The following CLNK variants were observed in gnomAD, a reference collection of about 807,000 sequenced individuals.
CLNK encodes cytokine dependent hematopoietic cell linker, also known as cytokine-dependent hematopoietic cell linker.
Under a neutral mutation model 68.6 loss-of-function variants are expected in CLNK, and 74 were observed. The ratio of observed to expected loss-of-function variants is 1.08; its 90% CI spans 0.89 to 1.31. The LOEUF (loss-of-function observed/expected upper bound fraction) is 1.31. Among genes scored for constraint, CLNK ranks in the 50% most tolerant of loss-of-function variants. CLNK has a pLI of 0.00. For synonymous variants in CLNK, 198 were observed against 172.2 expected, an observed-to-expected ratio of 1.15 and a Z score of -1.17; for missense variants, 553 against 515.3, an observed-to-expected ratio of 1.07 and a Z score of -0.71.
chr4:10,490,242 G>A lies in CLNK; in HGVS notation c.*225C>T. The stretch of plus-strand genomic sequence containing the variant: ...TTTTTATTTTTATTTATTTTCCAGT[G>A]GCCAGTTACTAGAATGTTTTTATTT... On this transcript the variant is annotated 3_prime_UTR_variant, in exon 19 of 19. Transcript: ENST00000226951. 2.5e-6 allele frequency: 1 copy of A among 406,066 alleles called. No individual in the cohort carries two copies. 25.2% of individuals were successfully genotyped at this position (406,066 alleles called of 1,614,324 possible). A position where few individuals can be genotyped will look rare whatever the true frequency, so the allele number is the denominator to read the frequency against.
intron 18 of CLNK, among the ~76,000 whole-genome samples, chr4:10,500,373 G>A (rs747279906): frequency 3.9e-5 from 6 of 152,112 alleles, no homozygotes; most frequent in Non-Finnish European, 8.8e-5. Flanking sequence ...CCAAAGAGTT[G>A]TTGAGGATCA....
the CLNK span, among the ~76,000 whole-genome samples, chr4:10,715,147 C>T: frequency 2.4e-4 from 37 of 152,126 alleles, no homozygotes; most frequent in Non-Finnish European, 4.4e-4. Flanking sequence ...CTTTCAGGTC[C>T]GTGCTATTTA....
At chr4:10,701,665 G>T in the CLNK span, among the ~76,000 whole-genome samples, 5 of 152,154 alleles carry the variant, frequency 3.3e-5, no homozygotes, top group African/African-American at 2.4e-5. Context: ...CATAGAAAAG[G>T]CTTCACATTT....
At chr4:10,520,353 T>C (rs1718007466) in intron 15 of CLNK, among the ~76,000 whole-genome samples, 1 of 152,144 alleles carries the variant, frequency 6.6e-6, no homozygotes, top group Non-Finnish European at 1.5e-5. Flanking sequence ...ACCCAATGGA[T>C]TGGGAAAAAT....
At chr4:10,537,850 A>T (rs756125015) in intron 11 of CLNK, among the ~76,000 whole-genome samples, 2 of 147,822 alleles carry the variant, frequency 1.4e-5, no homozygotes, top group African/African-American at 5.0e-5. Flanking sequence ...ATATTATCCT[A>T]GGCACTTTAC....
chr4:10,687,597 T>C (rs1470185720), upstream of CLNK, among the ~76,000 whole-genome samples: 1 of 152,054 alleles, frequency 6.6e-6, no homozygotes, highest in East Asian at 1.9e-4. Flanking sequence ...AAAGATATTG[T>C]CAATCTGGAT....
At chr4:10,616,902 G>A (rs1169790667) in intron 2 of CLNK, among the ~76,000 whole-genome samples, 3 of 150,758 alleles carry the variant, frequency 2.0e-5, no homozygotes, top group Admixed American at 6.6e-5. Flanking sequence ...CCACCTTAAA[G>A]CATTGCCATT....
At chr4:10,635,735 A>G (rs1053878090) in intron 2 of CLNK, 1 of 152,184 alleles carries the variant, frequency 6.6e-6, no homozygotes, top group Non-Finnish European at 1.5e-5. Flanking sequence ...TTATTATTCC[A>G]TCTCAAAGAT....
intron 2 of CLNK, among the ~76,000 whole-genome samples, chr4:10,603,343 A>G (rs1299979704): frequency 6.6e-6 from 1 of 152,224 alleles, no homozygotes; most frequent in Non-Finnish European, 1.5e-5. Context: ...ACTGCAAGAA[A>G]TTTATATAAG....
intron 2 of CLNK, among the ~76,000 whole-genome samples, chr4:10,642,717 G>C (rs879894349): frequency 1.3e-5 from 2 of 152,182 alleles, no homozygotes; most frequent in South Asian, 4.1e-4. Context: ...TAACTCACTG[G>C]GTGCACTGTC....
At position 10,652,529 on chromosome 4, in the gene CLNK, C is replaced by T. The variant is rs188873650; in HGVS notation, c.11+15330G>A. On this transcript the variant is annotated intron_variant, in intron 2 of 18. Transcript: ENST00000226951. The stretch of plus-strand genomic sequence containing the variant: ...ATATAAAAGATGGAGCATTAAAATA[C>T]TAAAAGAAGCTTGCTTGGTTATTAT... Among the ~76,000 whole-genome samples the T allele has an allele frequency of 3.7e-4, 56 of 151,094 alleles. 1 individual carries two copies. The East Asian group carries it at 4.5e-3, about 12-fold the overall frequency.
chr4:10,645,707 G>C (rs771283932), intron 2 of CLNK, among the ~76,000 whole-genome samples: 33 of 152,130 alleles, frequency 2.2e-4, no homozygotes, highest in Middle Eastern at 3.2e-3. Flanking sequence ...CCTTTGAAGA[G>C]AAGTTGGTTA....
chr4:10,720,881 A>G, the CLNK span, among the ~76,000 whole-genome samples: 1 of 151,830 alleles, frequency 6.6e-6, no homozygotes, highest in Admixed American at 6.6e-5. Context: ...AAATTGGTAC[A>G]CAAATTAATT....
rs1274321433 is a variant in CLNK at position 10,490,240 on chromosome 4, G to GTGGCCAGTTACTAGAATGTTTTTATT, written c.*201_*226dup. 7.5e-6 allele frequency: 3 copies of GTGGCCAGTTACTAGAATGTTTTTATT among 399,270 alleles called. No individual in the cohort carries two copies. Among genetic ancestry groups the GTGGCCAGTTACTAGAATGTTTTTATT allele is most frequent in the Non-Finnish European group, 1.3e-5 (3 of 228,364 alleles). The allele number at this position is 399,270 out of a possible 1,614,324, so 24.7% of individuals were successfully genotyped here. Reference sequence around the variant, plus strand: ...AGTTTTTATTTTTATTTATTTTCCAGTGGCCAGTTACTAGAATGTTTTTAT... The same window carrying GTGGCCAGTTACTAGAATGTTTTTATT: ...AGTTTTTATTTTTATTTATTTTCCAGTGGCCAGTTACTAGAATGTTTTTATTTGGCCAGTTACTAGAATGTTTTTAT... On this transcript the variant is annotated 3_prime_UTR_variant, in exon 19 of 19. Coordinates refer to ENST00000226951, the MANE Select transcript of CLNK (RefSeq NM_052964.4).
chr4:10,691,700 C>A, the CLNK span, among the ~76,000 whole-genome samples: 1 of 152,084 alleles, frequency 6.6e-6, no homozygotes, highest in Admixed American at 6.5e-5. Flanking sequence ...CAAAATTATT[C>A]CCTGTGCAGA....
the CLNK span, among the ~76,000 whole-genome samples, chr4:10,699,268 C>CACACACACACCACGTGTGTGTAT: frequency 9.3e-5 from 3 of 32,416 alleles, 1 homozygote; most frequent in East Asian, 8.2e-4. Flanking sequence ...TGTGTATACA[C>CACACACACACCACGTGTGTGTAT]ACACACACAC....
At chr4:10,540,957 G>A (rs1242219885) in intron 10 of CLNK, among the ~76,000 whole-genome samples, 4 of 152,100 alleles carry the variant, frequency 2.6e-5, no homozygotes, top group African/African-American at 9.7e-5. Flanking sequence ...GCTCACGCCT[G>A]TAATCCCAGC....
rs1720911867 is a variant in CLNK at position 10,584,810 on chromosome 4, G to A, written c.112+117C>T. On this transcript the variant is annotated intron_variant, in intron 4 of 18. Transcript: ENST00000226951. ...GGAAGGAATGGCATTACTAGCTAAT[G>A]TCATTTCAAATAGGCCATAGTTTTA... 6.5e-6 allele frequency: 7 copies of A among 1,079,810 alleles called. No individual in the cohort carries two copies. In the South Asian group the frequency reaches 8.3e-5, roughly 13 times the overall value. The allele number at this position is 1,079,810 out of a possible 1,614,324, so 66.9% of individuals were successfully genotyped here.
intron 17 of CLNK, among the ~76,000 whole-genome samples, chr4:10,505,556 T>C (rs1467203750): frequency 6.6e-6 from 1 of 152,212 alleles, no homozygotes. Context: ...CTAACATGAA[T>C]CTTGCTGGGC....
Sources: allele counts gnomAD v4.1 joint callset (sites outside exome capture counted in the v4.1 genomes callset), GRCh38; gene constraint gnomAD v4.1.1; transcripts MANE v1.5; gene names NCBI Gene and HGNC (gene_info 2026-07-23, HGNC 2026-07-21).